Variants in SLC44A5 observed in about 807,000 individuals in gnomAD.
SLC44A5 encodes the protein solute carrier family 44 member 5.
SLC44A5 carries 57 observed loss-of-function variants against 101.8 expected under a neutral mutation model. The ratio of observed to expected loss-of-function variants is 0.56; its 90% CI spans 0.45 to 0.70. SLC44A5 has a LOEUF of 0.70. SLC44A5 is among the 30% of genes least tolerant of loss of function. The pLI, the probability that SLC44A5 is intolerant of heterozygous loss-of-function variation, is 0.00. For missense variants in SLC44A5, 737 were observed against 853.1 expected, an observed-to-expected ratio of 0.86 and a Z score of 1.70; for synonymous variants, 281 against 290.9, an observed-to-expected ratio of 0.97 and a Z score of 0.35.
At chr1:75,611,664 C>T (rs1675663214), upstream of SLC44A5, among the ~76,000 whole-genome samples, 2 of 152,164 alleles carry the variant, frequency 1.3e-5, no homozygotes, top group African/African-American at 4.8e-5. Flanking sequence ...GTTACAAATG[C>T]TTCATTATAA....
At chr1:75,326,364 A>G (rs192514359) in intron 4 of SLC44A5, among the ~76,000 whole-genome samples, 147 of 151,770 alleles carry the variant, frequency 9.7e-4, no homozygotes, top group African/African-American at 3.5e-3. Context: ...CCTACATTAA[A>G]TCTTATCTTT....
chr1:75,396,626 G>GA lies in SLC44A5; in HGVS notation c.14-6dup. Reference sequence around the variant, plus strand: ...AGGGAGTATCTGCTGGTTTTTCTAGGAAAAAGCACAAAAGGCAAAAAAAAT... The same window carrying GA: ...AGGGAGTATCTGCTGGTTTTTCTAGGAAAAAAGCACAAAAGGCAAAAAAAAT... On this transcript the variant is annotated splice_region_variant and splice_polypyrimidine_tract_variant and intron_variant, in intron 2 of 23. Coordinates refer to ENST00000370859, the MANE Select transcript of SLC44A5 (RefSeq NM_001130058.2). 12 of 1,612,430 alleles carry GA rather than the reference G, an allele frequency of 7.4e-6. No homozygotes were observed. The highest frequency in any genetic ancestry group is 1.0e-5 in the Non-Finnish European group (12 of 1,179,008).
intron 2 of SLC44A5, among the ~76,000 whole-genome samples, chr1:75,447,332 A>G (rs1665644883): frequency 6.6e-6 from 1 of 152,166 alleles, no homozygotes; most frequent in Admixed American, 6.5e-5. Context: ...ATTTCAAGTG[A>G]GGTTAATATG....
At chr1:75,326,187 C>T (rs12756704) in intron 4 of SLC44A5, among the ~76,000 whole-genome samples, 45,960 of 148,560 alleles carry the variant, frequency 0.31, 8,700 homozygotes, top group East Asian at 0.82. Context: ...ATACATAAAA[C>T]CTGCCAGAGA....
At chr1:75,293,720 C>T (rs1009763939) in intron 5 of SLC44A5, among the ~76,000 whole-genome samples, 15 of 152,186 alleles carry the variant, frequency 9.9e-5, no homozygotes, top group African/African-American at 3.6e-4. Flanking sequence ...GTGGCCTCTT[C>T]TACCCAATGG....
intron 5 of SLC44A5, among the ~76,000 whole-genome samples, chr1:75,281,030 T>G (rs1570562031): frequency 6.6e-6 from 1 of 152,034 alleles, no homozygotes; most frequent in Non-Finnish European, 1.5e-5. Flanking sequence ...TAGGCAGAGG[T>G]TGGAGCAGTT....
chr1:75,232,015 T>C (rs1351901284), intron 12 of SLC44A5, among the ~76,000 whole-genome samples: 1 of 152,188 alleles, frequency 6.6e-6, no homozygotes, highest in Non-Finnish European at 1.5e-5. Flanking sequence ...TCTCATGATA[T>C]GTAGAAAGTC....
chr1:75,532,664 T>G (rs1670785348), intron 2 of SLC44A5, among the ~76,000 whole-genome samples: 1 of 152,246 alleles, frequency 6.6e-6, no homozygotes, highest in African/African-American at 2.4e-5. Flanking sequence ...GCTATAAAAC[T>G]GCCAAAGATT....
chr1:75,685,301 T>C, the SLC44A5 span, among the ~76,000 whole-genome samples: 1 of 152,158 alleles, frequency 6.6e-6, no homozygotes, highest in South Asian at 2.1e-4. Flanking sequence ...TTTTCCCCAT[T>C]GTCTTGATGA....
the SLC44A5 span, among the ~76,000 whole-genome samples, chr1:75,638,209 A>C: frequency 1.3e-5 from 2 of 152,072 alleles, no homozygotes; most frequent in Non-Finnish European, 2.9e-5. Context: ...TTAGAAGCTA[A>C]TAGTACGATT....
intron 2 of SLC44A5, among the ~76,000 whole-genome samples, chr1:75,459,724 A>G (rs1473912988): frequency 1.3e-5 from 2 of 152,240 alleles, no homozygotes; most frequent in African/African-American, 4.8e-5. Flanking sequence ...AATTCATGGC[A>G]TGTAATGCAG....
At chr1:75,686,698 C>CT in the SLC44A5 span, among the ~76,000 whole-genome samples, 2 of 152,120 alleles carry the variant, frequency 1.3e-5, no homozygotes, top group Non-Finnish European at 2.9e-5. Flanking sequence ...AAGGATAACT[C>CT]TAGTGAAGTA....
chr1:75,311,510 T>C, intron 4 of SLC44A5: 1 of 974,524 alleles, frequency 1.0e-6, no homozygotes, highest in South Asian at 4.7e-5. Flanking sequence ...AACAAAGCAC[T>C]ACAATTCAAC....
the SLC44A5 span, among the ~76,000 whole-genome samples, chr1:75,717,504 G>A: frequency 6.6e-6 from 1 of 152,046 alleles, no homozygotes; most frequent in East Asian, 1.9e-4. Flanking sequence ...ACTACCTATT[G>A]GGTACTACGC....
chr1:75,327,606 C>T (rs1043796041), intron 4 of SLC44A5, among the ~76,000 whole-genome samples: 5 of 152,238 alleles, frequency 3.3e-5, no homozygotes, highest in East Asian at 1.9e-4. Flanking sequence ...TCTCAAGTAA[C>T]GCTTAGCTGA....
At chr1:75,212,541 G>A (rs1646879564) in intron 22 of SLC44A5, among the ~76,000 whole-genome samples, 1 of 152,128 alleles carries the variant, frequency 6.6e-6, no homozygotes, top group African/African-American at 2.4e-5. Flanking sequence ...TCTCACGACT[G>A]TATAGTATTC....
At chr1:75,322,392 C>CTT (rs759281453) in intron 4 of SLC44A5, among the ~76,000 whole-genome samples, 5 of 146,884 alleles carry the variant, frequency 3.4e-5, no homozygotes, top group Middle Eastern at 3.5e-3. Context: ...TTTGCTCCCT[C>CTT]TTTTTAAAAA....
chr1:75,700,261 G>C, the SLC44A5 span, among the ~76,000 whole-genome samples: 2 of 152,134 alleles, frequency 1.3e-5, no homozygotes, highest in Non-Finnish European at 2.9e-5. Flanking sequence ...TGGAAGTAAA[G>C]CACCCCTCAG....
chr1:75,399,125 G>A (rs914692130), intron 2 of SLC44A5, among the ~76,000 whole-genome samples: 1 of 151,876 alleles, frequency 6.6e-6, no homozygotes, highest in Admixed American at 6.6e-5. Context: ...GCAATGAGTG[G>A]AACGCATTGA....
Sources: gnomAD v4.1 joint callset for allele counts (sites outside exome capture counted in the v4.1 genomes callset) on GRCh38, gnomAD v4.1.1 for gene constraint, MANE v1.5 for transcripts, NCBI Gene and HGNC (gene_info 2026-07-23, HGNC 2026-07-21) for gene names.